The following HDAC9 variants were observed in gnomAD, a reference collection of about 807,000 sequenced individuals.
HDAC9 encodes histone deacetylase 9, also known as MEF-2 interacting transcription repressor (MITR) protein.
In HDAC9, 41 loss-of-function variants were observed where a neutral mutation model predicts 139.4. The observed-to-expected ratio is 0.29, with a 90% CI of 0.23 to 0.38. The LOEUF is 0.38. HDAC9 is among the 10% of genes least tolerant of loss of function. The pLI, the probability that HDAC9 is intolerant of heterozygous loss-of-function variation, is 1.00. For synonymous variants in HDAC9, 517 were observed against 476.2 expected, an observed-to-expected ratio of 1.09 and a Z score of -1.12; for missense variants, 1,147 against 1,297.0, an observed-to-expected ratio of 0.88 and a Z score of 1.78.
chr7:18,893,694 T>A lies in HDAC9; in HGVS notation c.2803+19098T>A, dbSNP rs75086784. On this transcript the variant is annotated intron_variant, in intron 22 of 25. Coordinates refer to ENST00000686413, the MANE Select transcript of HDAC9 (RefSeq NM_178425.4). The stretch of plus-strand genomic sequence containing the variant: ...TCTAGTGGTTAAAGCCTAAGCAAAA[T>A]AAGTAAGCAAACATAGAGTACATTA... Among the ~76,000 whole-genome samples, 1,121 of 152,198 alleles carry A rather than the reference T, an allele frequency of 7.4e-3. 16 individuals are homozygous for A. The highest frequency in any genetic ancestry group is 0.026 in the African/African-American group (1,067 of 41,536).
intron 1 of HDAC9, among the ~76,000 whole-genome samples, chr7:18,349,764 CAGAAAAAA>C (rs1420440459): frequency 4.6e-5 from 7 of 151,666 alleles, no homozygotes; most frequent in Non-Finnish European, 8.8e-5. Context: ...TAGCACTATG[CAGAAAAAA>C]TATGTCTTTC....
intron 1 of HDAC9, among the ~76,000 whole-genome samples, chr7:18,455,350 T>C (rs1367084809): frequency 1.3e-5 from 2 of 152,214 alleles, no homozygotes; most frequent in African/African-American, 2.4e-5. Context: ...GGCTATGATA[T>C]CCTTGTCCCT....
At chr7:18,558,688 A>G (rs2128697289) in intron 2 of HDAC9, among the ~76,000 whole-genome samples, 1 of 152,308 alleles carries the variant, frequency 6.6e-6, no homozygotes, top group African/African-American at 2.4e-5. Flanking sequence ...GAGAAGTCTG[A>G]CTCACTGACC....
At chr7:18,601,410 G>T (rs1454014551) in intron 6 of HDAC9, among the ~76,000 whole-genome samples, 1 of 151,654 alleles carries the variant, frequency 6.6e-6, no homozygotes, top group African/African-American at 2.4e-5. Flanking sequence ...GATGTGATTT[G>T]TGGACAAAAA....
chr7:18,116,159 G>A (rs890344380), intron 1 of HDAC9, among the ~76,000 whole-genome samples: 2 of 152,100 alleles, frequency 1.3e-5, no homozygotes, highest in African/African-American at 4.8e-5. Context: ...AATTTGATAT[G>A]CATTGCTTTG....
intron 22 of HDAC9, among the ~76,000 whole-genome samples, chr7:18,890,964 A>G (rs1468952601): frequency 6.6e-6 from 1 of 152,242 alleles, no homozygotes; most frequent in Non-Finnish European, 1.5e-5. Context: ...ACTGACCTCC[A>G]GCAGTCTAGG....
chr7:18,785,704 A>C (rs1791656533), intron 16 of HDAC9, among the ~76,000 whole-genome samples: 1 of 152,186 alleles, frequency 6.6e-6, no homozygotes, highest in Non-Finnish European at 1.5e-5. Context: ...GTTTTTTAAA[A>C]TACCATTTTA....
chr7:18,297,453 T>C (rs1207824519), intron 1 of HDAC9, among the ~76,000 whole-genome samples: 1 of 152,160 alleles, frequency 6.6e-6, no homozygotes, highest in Admixed American at 6.5e-5. Context: ...CTGTTGAGTT[T>C]GTTTTATTTT....
intron 1 of HDAC9, among the ~76,000 whole-genome samples, chr7:18,433,538 C>T (rs377148505): frequency 3.1e-4 from 47 of 152,274 alleles, no homozygotes; most frequent in African/African-American, 1.1e-3. Flanking sequence ...TGCCCAAAAG[C>T]TCCTAGATCT....
At chr7:18,213,509 C>T (rs532495341) in intron 2 of HDAC9, among the ~76,000 whole-genome samples, 2 of 152,076 alleles carry the variant, frequency 1.3e-5, no homozygotes, top group African/African-American at 4.8e-5. Context: ...CTTTTATGAT[C>T]GTATTCTTTG....
At chr7:18,610,052 T>C (rs890221049) in intron 6 of HDAC9, among the ~76,000 whole-genome samples, 1 of 152,098 alleles carries the variant, frequency 6.6e-6, no homozygotes, top group Non-Finnish European at 1.5e-5. Flanking sequence ...CATTACTGGA[T>C]ATGTACCCAA....
chr7:18,584,305 T>G (rs1284774909), intron 2 of HDAC9, among the ~76,000 whole-genome samples: 2 of 151,934 alleles, frequency 1.3e-5, no homozygotes, highest in East Asian at 3.9e-4. Context: ...ATTTTTTGTA[T>G]TTTTAGTAGA....
At chr7:18,412,335 A>G (rs182883070) in intron 1 of HDAC9, among the ~76,000 whole-genome samples, 1 of 152,302 alleles carries the variant, frequency 6.6e-6, no homozygotes, top group Admixed American at 6.5e-5. Flanking sequence ...AGCTCACTGA[A>G]AAAACTATAA....
chr7:18,470,324 A>G (rs1794627374), intron 1 of HDAC9, among the ~76,000 whole-genome samples: 1 of 152,124 alleles, frequency 6.6e-6, no homozygotes, highest in African/African-American at 2.4e-5. Flanking sequence ...TTAAAAAAAA[A>G]AAGAAGCCAA....
At chr7:18,258,470 G>C (rs1795424303) in intron 2 of HDAC9, among the ~76,000 whole-genome samples, 1 of 152,078 alleles carries the variant, frequency 6.6e-6, no homozygotes, top group African/African-American at 2.4e-5. Context: ...GTAGTCTTTT[G>C]TCCCTTACCC....
chr7:18,287,869 T>C (rs302162), upstream of HDAC9, among the ~76,000 whole-genome samples: 33,949 of 152,146 alleles, frequency 0.22, 3,857 homozygotes, highest in African/African-American at 0.25. Context: ...AGTCCTGTTA[T>C]GTGAGAGGAC....
At chr7:18,797,479 A>T (rs1377612968) in intron 17 of HDAC9, among the ~76,000 whole-genome samples, 1 of 152,180 alleles carries the variant, frequency 6.6e-6, no homozygotes, top group African/African-American at 2.4e-5. Context: ...AAATTCTCTC[A>T]GTACTTATCT....
intron 12 of HDAC9, among the ~76,000 whole-genome samples, chr7:18,691,936 GA>G (rs1390565221): frequency 1.3e-5 from 2 of 151,988 alleles, no homozygotes; most frequent in Admixed American, 1.3e-4. Flanking sequence ...ACAACATAAA[GA>G]AAAGAGGGCA....
At chr7:18,134,919 A>G (rs1446964413) in intron 1 of HDAC9, among the ~76,000 whole-genome samples, 3 of 152,184 alleles carry the variant, frequency 2.0e-5, no homozygotes, top group Non-Finnish European at 2.9e-5. Context: ...GCATTGAATC[A>G]AACTATGATT....
Sources: gnomAD v4.1 joint callset for allele counts (sites outside exome capture counted in the v4.1 genomes callset) on GRCh38, gnomAD v4.1.1 for gene constraint, MANE v1.5 for transcripts, NCBI Gene and HGNC (gene_info 2026-07-23, HGNC 2026-07-21) for gene names.